Variants in CALN1 observed in about 807,000 individuals in gnomAD.
CALN1 encodes calneuron 1, also known as calcium-binding protein 8.
In CALN1, 17 loss-of-function variants were observed where a neutral mutation model predicts 30.6. The observed-to-expected ratio is 0.56, with a 90% CI of 0.38 to 0.83. CALN1 has a LOEUF of 0.83. CALN1 is among the 40% of genes least tolerant of loss of function. The pLI, the probability that CALN1 is intolerant of heterozygous loss-of-function variation, is 0.00. For missense variants in CALN1, 291 were observed against 354.9 expected, an observed-to-expected ratio of 0.82 and a Z score of 1.45; for synonymous variants, 156 against 131.4, an observed-to-expected ratio of 1.19 and a Z score of -1.28.
intron 3 of CALN1, among the ~76,000 whole-genome samples, chr7:72,237,723 C>T (rs1794560407): frequency 2.6e-5 from 4 of 152,166 alleles, no homozygotes; most frequent in Admixed American, 2.6e-4. Flanking sequence ...ATGACCAACA[C>T]AAAAGCAAGA....
At chr7:71,863,557 CAAAAAAAA>C (rs71531769) in intron 5 of CALN1, among the ~76,000 whole-genome samples, 3 of 32,214 alleles carry the variant, frequency 9.3e-5, no homozygotes, top group South Asian at 4.9e-3. Flanking sequence ...AACTCCATCT[CAAAAAAAA>C]AAAAAAAAAA....
chr7:72,079,660 G>A (rs1165878765), intron 4 of CALN1, among the ~76,000 whole-genome samples: 2 of 149,272 alleles, frequency 1.3e-5, no homozygotes, highest in African/African-American at 5.0e-5. Context: ...CGCTTCTGTT[G>A]TTTTTTAGGA....
chr7:71,923,847 C>T (rs1470265524), intron 5 of CALN1, among the ~76,000 whole-genome samples: 1 of 152,104 alleles, frequency 6.6e-6, no homozygotes, highest in African/African-American at 2.4e-5. Context: ...AAATGTCACC[C>T]ATGTTAGCAT....
At chr7:72,333,495 T>C (rs1275288433) in intron 2 of CALN1, among the ~76,000 whole-genome samples, 1 of 152,226 alleles carries the variant, frequency 6.6e-6, no homozygotes, top group East Asian at 1.9e-4. Context: ...AATCTGCCAA[T>C]GTTCTGCTAA....
At chr7:72,412,576 C>A (rs1229515565), upstream of CALN1, among the ~76,000 whole-genome samples, 1 of 151,978 alleles carries the variant, frequency 6.6e-6, no homozygotes, top group Non-Finnish European at 1.5e-5. Flanking sequence ...CAGAAAAGTT[C>A]TCCAAGTCCC....
intron 4 of CALN1, among the ~76,000 whole-genome samples, chr7:72,030,678 CATA>C (rs1167316077): frequency 6.6e-6 from 1 of 152,160 alleles, no homozygotes; most frequent in Non-Finnish European, 1.5e-5. Context: ...ACCTGATAAT[CATA>C]ATAATATCTA....
intron 5 of CALN1, among the ~76,000 whole-genome samples, chr7:71,984,616 T>G (rs908216814): frequency 1.2e-4 from 18 of 152,136 alleles, no homozygotes; most frequent in African/African-American, 3.9e-4. Flanking sequence ...TGCCCCACCA[T>G]GTGAACATCA....
chr7:72,439,339 ACT>A (rs1808274296), intron 1 of CALN1, among the ~76,000 whole-genome samples: 1 of 151,922 alleles, frequency 6.6e-6, no homozygotes, highest in Admixed American at 6.6e-5. Flanking sequence ...GTCACATATG[ACT>A]TTTGAATCTC....
At chr7:72,402,892 T>C (rs1806437518) in intron 2 of CALN1, among the ~76,000 whole-genome samples, 1 of 152,140 alleles carries the variant, frequency 6.6e-6, no homozygotes, top group South Asian at 2.1e-4. Flanking sequence ...AATACCCTCA[T>C]AAAATTATTT....
chr7:71,959,359 T>C (rs993060261), intron 5 of CALN1, among the ~76,000 whole-genome samples: 3 of 152,192 alleles, frequency 2.0e-5, no homozygotes, highest in Admixed American at 6.5e-5. Flanking sequence ...AAACACAGGA[T>C]TGGAGAATCC....
intron 4 of CALN1, among the ~76,000 whole-genome samples, chr7:72,039,768 C>A (rs1802013751): frequency 1.3e-5 from 2 of 152,126 alleles, no homozygotes; most frequent in African/African-American, 4.8e-5. Flanking sequence ...CTGAAAATGT[C>A]CTCCCCAAAC....
chr7:71,888,520 T>C (rs1793054260), intron 5 of CALN1, among the ~76,000 whole-genome samples: 1 of 145,740 alleles, frequency 6.9e-6, no homozygotes, highest in Non-Finnish European at 1.5e-5. Context: ...AAGCAATGAA[T>C]ACCTATGTCC....
chr7:72,079,761 C>CTTTTTTTTTTTTTTTTTTTTTTTTTTTT (rs3065015), intron 4 of CALN1, among the ~76,000 whole-genome samples: 1 of 104,046 alleles, frequency 9.6e-6, no homozygotes, highest in African/African-American at 4.0e-5. Flanking sequence ...TGCCTTTTTC[C>CTTTTTTTTTTTTTTTTTTTTTTTTTTTT]TTTTTTTTTT....
the CALN1 span, among the ~76,000 whole-genome samples, chr7:72,501,966 TAA>T: frequency 0.012 from 1,296 of 110,556 alleles, 61 homozygotes; most frequent in African/African-American, 0.022. Flanking sequence ...TATATATATA[TAA>T]ATATATATAC....
At chr7:72,054,157 C>T (rs1563014829) in intron 4 of CALN1, among the ~76,000 whole-genome samples, 2 of 151,860 alleles carry the variant, frequency 1.3e-5, no homozygotes, top group Non-Finnish European at 2.9e-5. Flanking sequence ...TGGGTAGATA[C>T]CCAGCAGTGG....
intron 1 of CALN1, among the ~76,000 whole-genome samples, chr7:72,444,123 G>A (rs1043765651): frequency 6.6e-6 from 1 of 151,654 alleles, no homozygotes; most frequent in African/African-American, 2.4e-5. Context: ...TGATAGACTC[G>A]TACTACGCAC....
At chr7:71,821,814 G>A (rs1048618340) in intron 5 of CALN1, among the ~76,000 whole-genome samples, 1 of 148,840 alleles carries the variant, frequency 6.7e-6, no homozygotes, top group African/African-American at 2.5e-5. Flanking sequence ...TTGAGTCAGG[G>A]TCTCGCTGTG....
chr7:72,378,860 G>A (rs768279484), intron 2 of CALN1, among the ~76,000 whole-genome samples: 11 of 152,070 alleles, frequency 7.2e-5, no homozygotes, highest in Admixed American at 1.3e-4. Flanking sequence ...GAGCCACTGC[G>A]CCCAGCCTGT....
At chr7:72,126,640 C>CA (rs1045524912) in intron 3 of CALN1, among the ~76,000 whole-genome samples, 1 of 152,028 alleles carries the variant, frequency 6.6e-6, no homozygotes, top group African/African-American at 2.4e-5. Context: ...CCCCAAAGTC[C>CA]ATTATATCAT....
Sources: allele counts gnomAD v4.1 joint callset (sites outside exome capture counted in the v4.1 genomes callset), GRCh38; gene constraint gnomAD v4.1.1; transcripts MANE v1.5; gene names NCBI Gene and HGNC (gene_info 2026-07-23, HGNC 2026-07-21).